The following PAGE2B variants were observed in gnomAD, a reference collection of about 807,000 sequenced individuals.
PAGE2B encodes PAGE family member 2B.
In PAGE2B, 5 loss-of-function variants were observed where a neutral mutation model predicts 7.6. The observed-to-expected ratio is 0.66, with a 90% CI of 0.34 to 1.38. The LOEUF (loss-of-function observed/expected upper bound fraction) is 1.38. PAGE2B is among the 40% of genes most tolerant of loss of function. PAGE2B has a pLI of 0.04. For synonymous variants in PAGE2B, 29 were observed against 26.7 expected (o/e 1.09, Z -0.27); for missense variants, 70 against 78.4 (o/e 0.89, Z 0.41).
the PAGE2B span, chrX:55,044,994 G>T: frequency 9.0e-6 from 1 of 111,642 alleles, no homozygotes; most frequent in African/African-American, 3.3e-5. Flanking sequence ...CTCTACTATT[G>T]ATTCTTTTAT....
chrX:55,077,229 G>A lies in PAGE2B; in HGVS notation c.194-170G>A, dbSNP rs749272785. 1.7e-3 allele frequency among the ~76,000 whole-genome samples: 187 copies of A among 111,957 alleles called. 4 individuals are homozygous for A. Among genetic ancestry groups the A allele is most frequent in the Non-Finnish European group, 2.2e-3 (115 of 53,110 alleles). On this transcript the variant is annotated intron_variant, in intron 3 of 4. Transcript: ENST00000374971. ...TTGTCTAGGGCCAGCCTTGGGAAAG[G>A]AAAGGGCAATGTTTGAACATCTCTG...
the PAGE2B span, among the ~76,000 whole-genome samples, chrX:55,038,552 T>A: frequency 8.9e-6 from 1 of 111,808 alleles, no homozygotes; most frequent in Non-Finnish European, 1.9e-5. Context: ...AATGGGGAAG[T>A]TTAAATAGGG....
the PAGE2B span, among the ~76,000 whole-genome samples, chrX:55,065,396 A>G: frequency 9.0e-6 from 1 of 111,568 alleles, no homozygotes; most frequent in Non-Finnish European, 1.9e-5. Context: ...TTCCATTGGC[A>G]TAGAATATCT....
chrX:55,052,366 G>T, the PAGE2B span, among the ~76,000 whole-genome samples: 1 of 112,422 alleles, frequency 8.9e-6, no homozygotes, highest in Non-Finnish European at 1.9e-5. Flanking sequence ...GTCTGCCGAG[G>T]TTATTGCTGT....
At chrX:55,075,826 A>G (rs774746557) in intron 1 of PAGE2B, among the ~76,000 whole-genome samples, 1 of 111,738 alleles carries the variant, frequency 8.9e-6, no homozygotes, top group African/African-American at 3.3e-5. Flanking sequence ...TATGGCGTTA[A>G]GGGGATTTCT....
upstream of PAGE2B, among the ~76,000 whole-genome samples, chrX:55,071,249 G>T (rs1936446243): frequency 9.0e-6 from 1 of 111,057 alleles, no homozygotes; most frequent in Admixed American, 9.6e-5. Flanking sequence ...GCCTGGTGGT[G>T]ACAAAATCTC....
At chrX:55,050,299 A>T in the PAGE2B span, among the ~76,000 whole-genome samples, 581 of 111,414 alleles carry the variant, frequency 5.2e-3, 2 homozygotes, top group African/African-American at 0.018. Context: ...TTTGGGGTGG[A>T]GAGTTCTGTA....
the PAGE2B span, among the ~76,000 whole-genome samples, chrX:55,056,111 GAGA>G: frequency 9.0e-6 from 1 of 111,363 alleles, no homozygotes; most frequent in East Asian, 2.8e-4. Flanking sequence ...TTTGGGAGTG[GAGA>G]AGAAGTTGGG....
At chrX:55,041,078 CTTTTTTTTTT>C in the PAGE2B span, among the ~76,000 whole-genome samples, 1 of 82,154 alleles carries the variant, frequency 1.2e-5, no homozygotes, top group Non-Finnish European at 2.4e-5. Context: ...TTCAATAATT[CTTTTTTTTTT>C]TTTTTTTTTT....
the PAGE2B span, among the ~76,000 whole-genome samples, chrX:55,041,371 G>A: frequency 8.5e-4 from 94 of 110,883 alleles, no homozygotes; most frequent in Admixed American, 1.3e-3. Flanking sequence ...GTGAGCCACC[G>A]TGCCCGGCCT....
At chrX:55,067,352 C>T in the PAGE2B span, among the ~76,000 whole-genome samples, 1 of 111,180 alleles carries the variant, frequency 9.0e-6, no homozygotes, top group African/African-American at 3.3e-5. Flanking sequence ...TGGTTTTCAG[C>T]ATCATCAATG....
the PAGE2B span, among the ~76,000 whole-genome samples, chrX:55,063,802 A>G: frequency 2.0e-4 from 22 of 111,590 alleles, no homozygotes; most frequent in East Asian, 8.4e-4. Context: ...TTCAGCATCA[A>G]TTGAAATGAT....
the PAGE2B span, among the ~76,000 whole-genome samples, chrX:55,049,351 C>G: frequency 8.9e-6 from 1 of 111,895 alleles, no homozygotes; most frequent in Non-Finnish European, 1.9e-5. Flanking sequence ...CTCTCTTTTT[C>G]TATTGATTGG....
the PAGE2B span, among the ~76,000 whole-genome samples, chrX:55,042,801 C>G: frequency 1.8e-5 from 2 of 108,276 alleles, no homozygotes; most frequent in Admixed American, 2.0e-4. Flanking sequence ...TAATGCAATT[C>G]CCATAAAAAT....
the PAGE2B span, among the ~76,000 whole-genome samples, chrX:55,050,818 A>C: frequency 1.8e-5 from 2 of 111,277 alleles, no homozygotes; most frequent in Non-Finnish European, 3.8e-5. Flanking sequence ...GTTTAAGGTT[A>C]GTATTGTTAT....
chrX:55,036,490 A>T, the PAGE2B span, among the ~76,000 whole-genome samples: 7 of 111,239 alleles, frequency 6.3e-5, no homozygotes, highest in Middle Eastern at 4.6e-3. Flanking sequence ...TACCTAATTT[A>T]TTGAGAGTTT....
At chrX:55,065,093 T>C in the PAGE2B span, among the ~76,000 whole-genome samples, 13,498 of 111,460 alleles carry the variant, frequency 0.12, 825 homozygotes, top group Non-Finnish European at 0.18. Flanking sequence ...TTAAAGCTGA[T>C]GTATCTTTGC....
chrX:55,042,083 G>A, the PAGE2B span, among the ~76,000 whole-genome samples: 11 of 110,733 alleles, frequency 9.9e-5, no homozygotes, highest in East Asian at 1.4e-3. Context: ...AGAAATAAAC[G>A]GCATCAAAAT....
At chrX:55,053,204 G>A in the PAGE2B span, among the ~76,000 whole-genome samples, 1 of 111,769 alleles carries the variant, frequency 8.9e-6, no homozygotes, top group African/African-American at 3.3e-5. Flanking sequence ...AAAGGAATGA[G>A]ATCATGTCCT....
Sources: gnomAD v4.1 joint callset for allele counts (sites outside exome capture counted in the v4.1 genomes callset) on GRCh38, gnomAD v4.1.1 for gene constraint, MANE v1.5 for transcripts, NCBI Gene and HGNC (gene_info 2026-07-23, HGNC 2026-07-21) for gene names.